Variants in SLC16A9 observed in about 807,000 individuals in gnomAD.
SLC16A9 encodes solute carrier family 16 member 9.
Under a neutral mutation model 44.3 loss-of-function variants are expected in SLC16A9, and 26 were observed. The ratio of observed to expected loss-of-function variants is 0.59; its 90% CI spans 0.43 to 0.81. The LOEUF is 0.81. SLC16A9 is among the 40% of genes least tolerant of loss of function. SLC16A9 has a pLI of 0.00. For missense variants in SLC16A9, 559 were observed against 595.8 expected, an observed-to-expected ratio of 0.94 and a Z score of 0.64; for synonymous variants, 230 against 225.1, an observed-to-expected ratio of 1.02 and a Z score of -0.19.
chr10:59,655,602 T>G (rs11006659), intron 4 of SLC16A9, among the ~76,000 whole-genome samples: 41,353 of 152,112 alleles, frequency 0.27, 6,907 homozygotes, highest in Middle Eastern at 0.4. Context: ...TATGTAACAC[T>G]GTGAATAATT....
intron 3 of SLC16A9, among the ~76,000 whole-genome samples, chr10:59,672,407 C>A (rs1306849372): frequency 6.6e-6 from 1 of 152,184 alleles, no homozygotes; most frequent in Non-Finnish European, 1.5e-5. Flanking sequence ...TCATGCTTGA[C>A]TGCCCAATAG....
chr10:59,678,546 C>T (rs10826344), intron 2 of SLC16A9, among the ~76,000 whole-genome samples: 8,663 of 30,762 alleles, frequency 0.28, 1,943 homozygotes, highest in East Asian at 0.51. Flanking sequence ...TTTTCTTTTT[C>T]TTTTTTTTGA....
intron 1 of SLC16A9, among the ~76,000 whole-genome samples, chr10:59,692,761 A>G (rs1840279355): frequency 6.6e-6 from 1 of 152,184 alleles, no homozygotes; most frequent in African/African-American, 2.4e-5. Flanking sequence ...TTTATTCTAT[A>G]CCACCTCAGT....
intron 1 of SLC16A9, among the ~76,000 whole-genome samples, chr10:59,693,949 T>A (rs1274530829): frequency 6.8e-6 from 1 of 147,864 alleles, no homozygotes; most frequent in Non-Finnish European, 1.5e-5. Flanking sequence ...ATTTATTTAT[T>A]TATTTTGAGA....
intron 2 of SLC16A9, among the ~76,000 whole-genome samples, chr10:59,680,517 G>T (rs1441242760): frequency 6.6e-6 from 1 of 152,124 alleles, no homozygotes; most frequent in Non-Finnish European, 1.5e-5. Context: ...AATTTACACG[G>T]CATGAGTAGT....
intron 3 of SLC16A9, 42 bp downstream of exon 3, chr10:59,672,728 T>A (rs1303106614): frequency 9.6e-6 from 15 of 1,568,228 alleles, no homozygotes; most frequent in Non-Finnish European, 1.3e-5. Context: ...ATGATGTGTA[T>A]CTCTTGAAGG....
intron 3 of SLC16A9, among the ~76,000 whole-genome samples, chr10:59,669,672 C>T (rs1372048718): frequency 6.6e-6 from 1 of 152,086 alleles, no homozygotes; most frequent in Non-Finnish European, 1.5e-5. Context: ...CCTATCTCCA[C>T]TAAAAATACA....
chr10:59,677,790 A>G (rs1839891473), intron 2 of SLC16A9, among the ~76,000 whole-genome samples: 1 of 152,186 alleles, frequency 6.6e-6, no homozygotes, highest in Non-Finnish European at 1.5e-5. Context: ...AATTTATTAT[A>G]GGATAGTTTT....
At chr10:59,668,944 G>A (rs1254424299) in intron 3 of SLC16A9, among the ~76,000 whole-genome samples, 4 of 151,982 alleles carry the variant, frequency 2.6e-5, no homozygotes, top group Non-Finnish European at 4.4e-5. Context: ...ATCTCATTTG[G>A]CAGAATTACA....
In SLC16A9 at chr10:59,651,239, C is replaced by T. The variant is rs1369072525; in HGVS notation, c.*1533G>A. ...ATTTGTGTTTATAAAGTGCTTCAGG[C>T]GCCTTCGAAGAAAGGCAACATACAA... On this transcript the variant is annotated 3_prime_UTR_variant, in exon 6 of 6. Coordinates refer to ENST00000395348, the MANE Select transcript of SLC16A9 (RefSeq NM_194298.3). 6.6e-6 allele frequency: 1 copy of T among 152,060 alleles called. No individual in the cohort carries two copies. Among genetic ancestry groups the T allele is most frequent in the East Asian group, 1.9e-4 (1 of 5,196 alleles). 9.4% of individuals were successfully genotyped at this position (152,060 alleles called of 1,614,324 possible).
chr10:59,697,661 C>A (rs974777655), intron 1 of SLC16A9, among the ~76,000 whole-genome samples: 6 of 149,654 alleles, frequency 4.0e-5, no homozygotes, highest in African/African-American at 1.5e-4. Context: ...ATCTGCTGAC[C>A]TTCCCTCCAC....
At chr10:59,692,246 C>G (rs1041152229) in intron 1 of SLC16A9, among the ~76,000 whole-genome samples, 2 of 152,064 alleles carry the variant, frequency 1.3e-5, no homozygotes, top group South Asian at 2.1e-4. Context: ...TGAGGTGAAT[C>G]AAAAATCTAA....
chr10:59,653,943 C>T lies in SLC16A9; in HGVS notation c.1083G>A (p.Gly361=), dbSNP rs759649215. The T allele has an allele frequency of 5.6e-6, 9 of 1,613,848 alleles. No individual in the cohort carries two copies. The African/African-American group carries it at 1.1e-4, about 19-fold the overall frequency. Residue 361 remains glycine, a synonymous_variant, in exon 5 of 6, where the codon GGG becomes GGA. Transcript: ENST00000395348. ...IMTAVGKLLL[G]ILADFKWINT... ...TAATCCACTTGAAGTCAGCCAGTAT[C>T]CCTAAAAGCAGTTTACCAACTGCTG...
chr10:59,680,995 T>TAAG (rs1306801838), intron 2 of SLC16A9, among the ~76,000 whole-genome samples: 1 of 150,962 alleles, frequency 6.6e-6, no homozygotes, highest in Non-Finnish European at 1.5e-5. Flanking sequence ...ATAATAATAA[T>TAAG]AATAACAATA....
At position 59,664,170 on chromosome 10, in the gene SLC16A9, T is replaced by A. The variant is rs1046088587; in HGVS notation, c.436+57A>T. On this transcript the variant is annotated intron_variant, in intron 4 of 5. Transcript: ENST00000395348. The stretch of plus-strand genomic sequence containing the variant: ...TAAACATGTCTGTGCTTGGTAACTT[T>A]TTACTTTGTTTAGAAGACTGAATGG... The A allele has an allele frequency of 2.0e-5, 25 of 1,272,190 alleles. No homozygotes were observed. The African/African-American group carries it at 3.4e-4, about 17-fold the overall frequency. 78.8% of individuals were successfully genotyped at this position (1,272,190 alleles called of 1,614,324 possible).
intron 1 of SLC16A9, among the ~76,000 whole-genome samples, chr10:59,688,145 G>C (rs1407919056): frequency 6.6e-6 from 1 of 152,154 alleles, no homozygotes; most frequent in Non-Finnish European, 1.5e-5. Flanking sequence ...AGGTGCAACA[G>C]AGTCTTTGCC....
At chr10:59,686,737 C>T (rs1289263030) in intron 1 of SLC16A9, among the ~76,000 whole-genome samples, 2 of 152,194 alleles carry the variant, frequency 1.3e-5, no homozygotes, top group Admixed American at 6.5e-5. Context: ...CCTACAGTTA[C>T]AATTTTTTAT....
intron 1 of SLC16A9, among the ~76,000 whole-genome samples, chr10:59,704,962 T>C (rs1424826355): frequency 2.0e-5 from 3 of 152,162 alleles, no homozygotes; most frequent in Admixed American, 6.5e-5. Flanking sequence ...CAGAAAAATA[T>C]ATGGGATGCT....
intron 1 of SLC16A9, among the ~76,000 whole-genome samples, chr10:59,696,932 T>TG (rs369490672): frequency 7.9e-6 from 1 of 126,086 alleles, no homozygotes; most frequent in East Asian, 2.9e-4. Flanking sequence ...GGGAGGGAGG[T>TG]GGGGGGTCAG....
Sources: allele counts gnomAD v4.1 joint callset (sites outside exome capture counted in the v4.1 genomes callset), GRCh38; gene constraint gnomAD v4.1.1; transcripts MANE v1.5; gene names NCBI Gene and HGNC (gene_info 2026-07-23, HGNC 2026-07-21).